Variants in MPDZ observed in about 807,000 individuals in gnomAD.
MPDZ encodes multiple PDZ domain crumbs cell polarity complex component, also known as multiple PDZ domain protein.
A neutral mutation model predicts 239.1 loss-of-function variants in MPDZ; 234 were observed. The ratio of observed to expected loss-of-function variants is 0.98; its 90% CI spans 0.88 to 1.09. The LOEUF is 1.09. Ranked by LOEUF, MPDZ falls within the 50% of genes least tolerant of loss-of-function variation. The probability of loss-of-function intolerance (pLI) is 0.00; values close to 1 mark genes in which losing one functional copy is unlikely to be tolerated. For missense variants in MPDZ, 3,175 were observed against 2,510.0 expected (o/e 1.26, Z -5.66); for synonymous variants, 1,048 against 881.3 (o/e 1.19, Z -3.35).
At position 13,115,244 on chromosome 9, in the gene MPDZ, C is replaced by T. The variant is rs1169861287; in HGVS notation, c.5466+4G>A. 1 of 1,611,366 alleles carries T rather than the reference C, an allele frequency of 6.2e-7. No homozygotes were observed. Among genetic ancestry groups the T allele is most frequent in the Non-Finnish European group, 8.5e-7 (1 of 1,178,776 alleles). ...TCGCCCTGATGAACTCCACAGCTACCCACCTGGCTGCTTTGAGATGGCCTC... is the reference window on the plus strand; with the variant it reads ...TCGCCCTGATGAACTCCACAGCTACTCACCTGGCTGCTTTGAGATGGCCTC... On this transcript the variant is annotated splice_donor_region_variant and intron_variant, in intron 40 of 46. Transcript: ENST00000319217.
intron 3 of MPDZ, among the ~76,000 whole-genome samples, chr9:13,239,197 C>G (rs1014138806): frequency 2.0e-5 from 3 of 152,154 alleles, no homozygotes; most frequent in African/African-American, 7.2e-5. Flanking sequence ...CTGCCACAAT[C>G]TGAGATCAGA....
Position 13,250,283 on chromosome 9 carries a change from A to T in MPDZ, c.16+17T>A, listed in dbSNP as rs1967589697. Reference sequence around the variant, plus strand: ...TTACAATTCTTATAAAAGTAGGCAGAAAAGAATAAGTCTTACCAATGGCTT... The same window carrying T: ...TTACAATTCTTATAAAAGTAGGCAGTAAAGAATAAGTCTTACCAATGGCTT... On this transcript the variant is annotated intron_variant, in intron 2 of 46. Transcript: ENST00000319217. 6.3e-7 allele frequency: 1 copy of T among 1,592,640 alleles called. No individual in the cohort carries two copies. Among genetic ancestry groups the T allele is most frequent in the African/African-American group, 1.3e-5 (1 of 74,822 alleles).
intron 3 of MPDZ, among the ~76,000 whole-genome samples, chr9:13,235,410 T>G (rs1453883149): frequency 6.6e-6 from 1 of 152,192 alleles, no homozygotes; most frequent in East Asian, 1.9e-4. Flanking sequence ...CTAAAATGTC[T>G]TAAACATCAC....
chr9:13,143,661 G>C (rs1006264413), intron 26 of MPDZ, 97 bp from the exon 27 acceptor site: 12 of 898,872 alleles, frequency 1.3e-5, no homozygotes, highest in Non-Finnish European at 1.7e-5. Context: ...AGAACTGCCT[G>C]TGTGAAACTA....
chr9:13,111,416 C>A (rs1380265377), intron 43 of MPDZ, among the ~76,000 whole-genome samples: 1 of 152,138 alleles, frequency 6.6e-6, no homozygotes, highest in African/African-American at 2.4e-5. Flanking sequence ...TGGTTATGTT[C>A]TGAGACCTAT....
intron 11 of MPDZ, 89 bp downstream of exon 11, chr9:13,205,827 C>G: frequency 8.6e-7 from 1 of 1,167,652 alleles, no homozygotes; most frequent in Non-Finnish European, 1.2e-6. Context: ...AATTAAGAAC[C>G]ATTCTGAAAT....
At position 13,217,290 on chromosome 9, in the gene MPDZ, T is replaced by C. The variant is rs1958472255; in HGVS notation, c.1091A>G (p.Asp364Gly). Residue 364 changes from aspartate to glycine, a missense_variant, in exon 9 of 47, where the codon GAT becomes GGT. Transcript: ENST00000319217. Reference protein sequence around the residue: ...SPTSTPELRVDASTQKGEESE... With the variant: ...SPTSTPELRVGASTQKGEESE... Reference sequence around the variant, plus strand: ...TTCTTCACCTTTCTGAGTAGAAGCATCAACCTAAAATAAAATCAATAAATA... The same window carrying C: ...TTCTTCACCTTTCTGAGTAGAAGCACCAACCTAAAATAAAATCAATAAATA... 1 of 1,576,180 alleles carries C rather than the reference T, an allele frequency of 6.3e-7. No individual in the cohort carries two copies. Among genetic ancestry groups the C allele is most frequent in the Non-Finnish European group, 8.6e-7 (1 of 1,156,720 alleles).
At position 13,109,208 on chromosome 9, in the gene MPDZ, A is replaced by C. The variant is rs58060717; in HGVS notation, c.5943-149T>G. 102 of 579,100 alleles carry C rather than the reference A, an allele frequency of 1.8e-4. 2 individuals carry two copies. The East Asian group carries it at 4.1e-3, about 23-fold the overall frequency. The allele number at this position is 579,100 out of a possible 1,614,324, so 35.9% of individuals were successfully genotyped here. On this transcript the variant is annotated intron_variant, in intron 45 of 46. Coordinates refer to ENST00000319217, the MANE Select transcript of MPDZ (RefSeq NM_001378778.1). ...ATTACGGGTATTTTTGAGATGCTTA[A>C]ATTGTCAGTGCATGCTGTGCTTGGT...
chr9:13,203,669 G>C (rs938436162), intron 12 of MPDZ, among the ~76,000 whole-genome samples: 5 of 149,606 alleles, frequency 3.3e-5, no homozygotes, highest in African/African-American at 1.2e-4. Flanking sequence ...GCTTTATTTT[G>C]TTTAAAAAAG....
chr9:13,145,278 G>A (rs1587217386), intron 26 of MPDZ, among the ~76,000 whole-genome samples: 1 of 152,014 alleles, frequency 6.6e-6, no homozygotes, highest in South Asian at 2.1e-4. Flanking sequence ...TAACAACGAA[G>A]AAGCACAGGG....
intron 24 of MPDZ, among the ~76,000 whole-genome samples, chr9:13,153,488 G>A (rs1016705733): frequency 5.3e-5 from 8 of 152,050 alleles, no homozygotes; most frequent in African/African-American, 1.2e-4. Context: ...CTGCAGCCCA[G>A]TCTGGAGTGC....
rs34967070 is a variant in MPDZ, at chr9:13,176,226, T to C, written c.2841A>G (p.Glu947=). The C allele has an allele frequency of 1.0e-3, 1,663 of 1,604,554 alleles. 16 individuals carry two copies. In the African/African-American group the frequency reaches 0.02, roughly 19 times the overall value. Residue 947 remains glutamate, a synonymous_variant, in exon 20 of 47, where the codon GAA becomes GAG. Coordinates refer to ENST00000319217, the MANE Select transcript of MPDZ (RefSeq NM_001378778.1). ...GAGATTCAGTCCACACTATTGTGTT[T>C]TCACATTCATATTGTTGTTCAATAG... ...ANAIEQQYEC[E]NTIVWTESHL...
chr9:13,152,018 G>A (rs1338807620), intron 24 of MPDZ, among the ~76,000 whole-genome samples: 4 of 152,070 alleles, frequency 2.6e-5, no homozygotes, highest in Admixed American at 6.6e-5. Context: ...GCACATACCA[G>A]TGTAAAAGGA....
At chr9:13,138,533 G>A (rs1406245428) in intron 28 of MPDZ, among the ~76,000 whole-genome samples, 1 of 152,174 alleles carries the variant, frequency 6.6e-6, no homozygotes, top group Admixed American at 6.5e-5. Flanking sequence ...ACTGATCAGT[G>A]GGAGCTTTTC....
intron 35 of MPDZ, among the ~76,000 whole-genome samples, chr9:13,123,669 T>A (rs1406183697): frequency 1.3e-5 from 2 of 152,168 alleles, no homozygotes; most frequent in Non-Finnish European, 2.9e-5. Flanking sequence ...CAAACACATT[T>A]CTTATGAATT....
At position 13,190,275 on chromosome 9, in the gene MPDZ, T is replaced by C. The variant is rs1488759774; in HGVS notation, c.1993A>G (p.Ile665Val). Residue 665 changes from isoleucine to valine, a missense_variant, in exon 16 of 47, where the codon ATC becomes GTC. Coordinates refer to ENST00000319217, the MANE Select transcript of MPDZ (RefSeq NM_001378778.1). ...GGATCCTCTGTCTCTGATGACCCGATGAACTCACCTAGATCTACGTGAGGC... is the reference window on the plus strand; with the variant it reads ...GGATCCTCTGTCTCTGATGACCCGACGAACTCACCTAGATCTACGTGAGGC... Reference protein sequence around the residue: ...EKPHVDLGEFIGSSETEDPVL... With the variant: ...EKPHVDLGEFVGSSETEDPVL... 1.9e-6 allele frequency: 3 copies of C among 1,603,566 alleles called. No individual in the cohort carries two copies. Among genetic ancestry groups the C allele is most frequent in the East Asian group, 2.2e-5 (1 of 44,660 alleles).
Position 13,115,347 on chromosome 9 carries a change from A to AG in MPDZ, c.5380-14_5380-13insC. 11 of 1,596,632 alleles carry AG rather than the reference A, an allele frequency of 6.9e-6. No individual in the cohort carries two copies. The highest frequency in any genetic ancestry group is 8.6e-6 in the Non-Finnish European group (10 of 1,165,404). ...TGCCTAGGGAACACTGGGGGTGGGC[A>AG]TGGGGGGTGTTTTATGGAAATGTTT... On this transcript the variant is annotated splice_polypyrimidine_tract_variant and intron_variant, in intron 39 of 46. Transcript: ENST00000319217.
At chr9:13,226,976 C>T (rs1476416184) in intron 3 of MPDZ, among the ~76,000 whole-genome samples, 1 of 151,902 alleles carries the variant, frequency 6.6e-6, no homozygotes, top group Admixed American at 6.6e-5. Flanking sequence ...TGTTTGTGAC[C>T]TAGATTTTTT....
chr9:13,138,764 TTAATC>T (rs1450844380), intron 28 of MPDZ, among the ~76,000 whole-genome samples: 7 of 152,162 alleles, frequency 4.6e-5, no homozygotes, highest in Admixed American at 1.3e-4. Context: ...TGCACCCTCT[TTAATC>T]TAAGAGGGCT....
Sources: allele counts gnomAD v4.1 joint callset (sites outside exome capture counted in the v4.1 genomes callset), GRCh38; gene constraint gnomAD v4.1.1; transcripts MANE v1.5; gene names NCBI Gene and HGNC (gene_info 2026-07-23, HGNC 2026-07-21).